NAV3: variants seen among roughly 807,000 people sequenced by gnomAD.
NAV3 encodes pore membrane and/or filament interacting like protein 1.
NAV3 carries 87 observed loss-of-function variants against 244.7 expected under a neutral mutation model. The ratio of observed to expected loss-of-function variants is 0.36; its 90% confidence interval spans 0.30 to 0.42. NAV3 has a LOEUF of 0.42. Ranked by LOEUF, NAV3 falls within the 20% of genes least tolerant of loss-of-function variation. The pLI, the probability that NAV3 is intolerant of heterozygous loss-of-function variation, is 1.00. For missense variants in NAV3, 2,663 were observed against 2,893.3 expected (o/e 0.92, Z 1.83); for synonymous variants, 1,126 against 1,042.2 (o/e 1.08, Z -1.55).
intron 33 of NAV3, among the ~76,000 whole-genome samples, chr12:78,189,097 A>G (rs1386985048): frequency 2.6e-5 from 4 of 152,026 alleles, no homozygotes; most frequent in Admixed American, 2.6e-4. Flanking sequence ...GATTCAAAAC[A>G]TTTAGTGTGT....
intron 2 of NAV3, among the ~76,000 whole-genome samples, chr12:77,730,830 G>T (rs1221613556): frequency 6.6e-6 from 1 of 150,454 alleles, no homozygotes; most frequent in East Asian, 1.9e-4. Flanking sequence ...TAAATACTTG[G>T]GATAAAGAGA....
intron 9 of NAV3, among the ~76,000 whole-genome samples, chr12:78,049,170 T>C (rs1882341453): frequency 6.6e-6 from 1 of 152,124 alleles, no homozygotes; most frequent in Non-Finnish European, 1.5e-5. Context: ...AGGGGTGGGA[T>C]CCACTGAGCT....
chr12:77,960,689 T>C (rs1186844477), intron 3 of NAV3, among the ~76,000 whole-genome samples: 1 of 147,644 alleles, frequency 6.8e-6, no homozygotes, highest in East Asian at 2.0e-4. Flanking sequence ...TATATAGTAA[T>C]ATATAATTAA....
intron 21 of NAV3, among the ~76,000 whole-genome samples, chr12:78,148,575 G>A (rs1457697466): frequency 6.6e-6 from 1 of 152,096 alleles, no homozygotes; most frequent in Admixed American, 6.6e-5. Flanking sequence ...AACTGCTCTT[G>A]AGTCATTTGC....
intron 2 of NAV3, among the ~76,000 whole-genome samples, chr12:77,603,522 C>G (rs147367367): frequency 4.0e-4 from 61 of 151,716 alleles, no homozygotes; most frequent in African/African-American, 1.5e-3. Flanking sequence ...CTTTGGTGAT[C>G]TCATCAAAAG....
intron 23 of NAV3, among the ~76,000 whole-genome samples, chr12:78,168,487 G>A (rs989949226): frequency 2.0e-5 from 3 of 151,576 alleles, no homozygotes; most frequent in African/African-American, 7.3e-5. Context: ...GGTGAGTTCT[G>A]GGTGCCACCT....
chr12:77,622,056 G>C (rs1871393488), intron 2 of NAV3, among the ~76,000 whole-genome samples: 1 of 152,098 alleles, frequency 6.6e-6, no homozygotes, highest in African/African-American at 2.4e-5. Flanking sequence ...TTCTAGCAAA[G>C]TACTTGCCCC....
chr12:77,951,409 G>A (rs1890864270), intron 3 of NAV3, among the ~76,000 whole-genome samples: 1 of 152,168 alleles, frequency 6.6e-6, no homozygotes, highest in East Asian at 1.9e-4. Context: ...TCATTAAAAA[G>A]TCAGGAAACA....
intron 3 of NAV3, among the ~76,000 whole-genome samples, chr12:77,946,254 T>C (rs1890339985): frequency 8.8e-6 from 1 of 113,232 alleles, no homozygotes; most frequent in South Asian, 3.5e-4. Context: ...TGTGTGTGTG[T>C]GTGTGCGCGT....
intron 12 of NAV3, among the ~76,000 whole-genome samples, chr12:78,094,668 G>A (rs1005646723): frequency 1.3e-5 from 2 of 151,926 alleles, no homozygotes; most frequent in African/African-American, 2.4e-5. Flanking sequence ...TTGAGGAAAC[G>A]GTGAAGATAT....
intron 9 of NAV3, among the ~76,000 whole-genome samples, chr12:78,038,323 GCTTCATATTGGC>G (rs1880267668): frequency 6.6e-6 from 1 of 152,142 alleles, no homozygotes; most frequent in African/African-American, 2.4e-5. Context: ...TCCACAAAGG[GCTTCATATTGGC>G]CTCCTTAAGT....
intron 8 of NAV3, among the ~76,000 whole-genome samples, chr12:78,008,249 G>T (rs1874590922): frequency 6.6e-6 from 1 of 150,652 alleles, no homozygotes. Flanking sequence ...TTTATTTATT[G>T]TTTATTTTAC....
At chr12:78,203,500 A>G (rs904297268) in intron 38 of NAV3, among the ~76,000 whole-genome samples, 1 of 152,138 alleles carries the variant, frequency 6.6e-6, no homozygotes, top group Non-Finnish European at 1.5e-5. Context: ...AAGGAAATGC[A>G]CAGATATCAG....
At chr12:77,842,966 AT>A (rs879385867) in intron 1 of NAV3, among the ~76,000 whole-genome samples, 4 of 152,072 alleles carry the variant, frequency 2.6e-5, no homozygotes, top group Non-Finnish European at 4.4e-5. Flanking sequence ...CAGATTATAT[AT>A]TTCTCTTTAT....
intron 1 of NAV3, among the ~76,000 whole-genome samples, chr12:77,838,160 A>G (rs1874995383): frequency 6.6e-6 from 1 of 152,198 alleles, no homozygotes; most frequent in South Asian, 2.1e-4. Flanking sequence ...TTCTTTTTCT[A>G]GTTATAACTC....
intron 22 of NAV3, among the ~76,000 whole-genome samples, chr12:78,152,564 A>G (rs1957117004): frequency 6.6e-6 from 1 of 151,894 alleles, no homozygotes; most frequent in Non-Finnish European, 1.5e-5. Context: ...TTCATGCATC[A>G]TAATCAGCCA....
chr12:78,114,431 C>T (rs1955265574), intron 12 of NAV3, among the ~76,000 whole-genome samples: 1 of 152,170 alleles, frequency 6.6e-6, no homozygotes, highest in Non-Finnish European at 1.5e-5. Context: ...GTTTAATTGA[C>T]TCACAGTTCA....
intron 1 of NAV3, among the ~76,000 whole-genome samples, chr12:77,836,712 C>T (rs988356247): frequency 6.6e-6 from 1 of 152,050 alleles, no homozygotes; most frequent in Admixed American, 6.6e-5. Flanking sequence ...TCTGGGTTTA[C>T]CCTATCATCC....
At chr12:77,848,184 G>A (rs1392729179) in intron 1 of NAV3, among the ~76,000 whole-genome samples, 1 of 152,206 alleles carries the variant, frequency 6.6e-6, no homozygotes, top group African/African-American at 2.4e-5. Flanking sequence ...CTGCAAAGAT[G>A]TGATTTAGGA....
Sources: gnomAD v4.1 joint callset for allele counts (sites outside exome capture counted in the v4.1 genomes callset) on GRCh38, gnomAD v4.1.1 for gene constraint, MANE v1.5 for transcripts, NCBI Gene and HGNC (gene_info 2026-07-23, HGNC 2026-07-21) for gene names.